Variants in TAF3 observed in about 807,000 individuals in gnomAD.
The protein encoded by TAF3 is transcription initiation factor TFIID subunit 3.
A neutral mutation model predicts 80.6 loss-of-function variants in TAF3; 7 were observed. The observed-to-expected ratio is 0.09, with a 90% CI of 0.05 to 0.16. The LOEUF is 0.16. Among genes scored for constraint, TAF3 ranks in the 10% least tolerant of loss-of-function variants. The pLI is 1.00. For synonymous variants in TAF3, 444 were observed against 446.1 expected (o/e 1.00, Z 0.06); for missense variants, 921 against 1,140.2 (o/e 0.81, Z 2.77).
intron 4 of TAF3, among the ~76,000 whole-genome samples, chr10:7,995,468 T>C (rs1831879004): frequency 6.6e-6 from 1 of 152,196 alleles, no homozygotes; most frequent in Non-Finnish European, 1.5e-5. Flanking sequence ...TTATTATCTT[T>C]CTAGTGTATC....
chr10:7,897,924 G>C (rs1386647350), intron 2 of TAF3, among the ~76,000 whole-genome samples: 2 of 151,932 alleles, frequency 1.3e-5, no homozygotes, highest in South Asian at 4.2e-4. Context: ...GCCTCCCAAA[G>C]TGCTGGGATT....
At chr10:7,942,228 G>T (rs118050227) in intron 2 of TAF3, among the ~76,000 whole-genome samples, 1 of 152,130 alleles carries the variant, frequency 6.6e-6, no homozygotes. Context: ...CATAAATTGC[G>T]TTTTGTCGAT....
rs1012988551 is a variant in TAF3, at chr10:7,904,472, G to C, written c.410-59448G>C. On this transcript the variant is annotated intron_variant, in intron 2 of 6. Transcript: ENST00000344293. ...TTCATCATTGCATATTCTACACCTA[G>C]TAGTCTATTAGTGCCTGATACACGC... Among the ~76,000 whole-genome samples, 3 of 139,056 alleles carry C rather than the reference G, an allele frequency of 2.2e-5. 1 individual carries two copies. In the South Asian group the frequency reaches 7.5e-4, roughly 35 times the overall value. The allele number at this position is 139,056 out of a possible 152,430, so 91.2% of individuals were successfully genotyped here.
intron 2 of TAF3, among the ~76,000 whole-genome samples, chr10:7,842,605 C>T (rs909330564): frequency 6.6e-6 from 1 of 152,040 alleles, no homozygotes; most frequent in Non-Finnish European, 1.5e-5. Flanking sequence ...TCCGATGATA[C>T]CTAATGGTCA....
chr10:7,822,274 A>G (rs2131096434), intron 1 of TAF3, among the ~76,000 whole-genome samples: 1 of 150,702 alleles, frequency 6.6e-6, no homozygotes, highest in African/African-American at 2.4e-5. Context: ...GCCGAAGGGG[A>G]CGGGGACAGG....
intron 4 of TAF3, among the ~76,000 whole-genome samples, chr10:7,996,447 GAACTGTGCCAGTGTGTGAA>G (rs1158926748): frequency 6.6e-6 from 1 of 152,170 alleles, no homozygotes; most frequent in Non-Finnish European, 1.5e-5. Flanking sequence ...GTCCGTGAGG[GAACTGTGCCAGTGTGTGAA>G]TGCCAGGAGG....
At chr10:7,882,285 C>T (rs1296941508) in intron 2 of TAF3, among the ~76,000 whole-genome samples, 1 of 152,124 alleles carries the variant, frequency 6.6e-6, no homozygotes, top group Non-Finnish European at 1.5e-5. Context: ...AACGTGTATT[C>T]CTCATTTACA....
Position 7,840,605 on chromosome 10 carries a change from T to G in TAF3, c.409+16045T>G, listed in dbSNP as rs898943378. On this transcript the variant is annotated intron_variant, in intron 2 of 6. Coordinates refer to ENST00000344293, the MANE Select transcript of TAF3 (RefSeq NM_031923.4). ...ACATTTCTTTATCTGTGCTTACGGT[T>G]TTTGGAAATTTTCCCACGTGTGTGA... 4.6e-5 allele frequency among the ~76,000 whole-genome samples: 7 copies of G among 152,016 alleles called. No homozygotes were observed. In the South Asian group the frequency reaches 6.2e-4, roughly 14 times the overall value.
In TAF3 at chr10:7,998,667, C is replaced by T. The variant is rs535623933; in HGVS notation, c.2316-10411C>T. Among the ~76,000 whole-genome samples, 15 of 151,908 alleles carry T rather than the reference C, an allele frequency of 9.9e-5. No individual in the cohort carries two copies. In the Middle Eastern group the frequency reaches 0.017, roughly 172 times the overall value. On this transcript the variant is annotated intron_variant, in intron 4 of 6. Transcript: ENST00000344293. ...CAGCCTGGCCAACATGGTGAAACCCCGTCTCTACTAAAAATACAGAAATCA... is the reference window on the plus strand; with the variant it reads ...CAGCCTGGCCAACATGGTGAAACCCTGTCTCTACTAAAAATACAGAAATCA...
At chr10:7,947,582 G>A (rs993585408) in intron 2 of TAF3, among the ~76,000 whole-genome samples, 12 of 152,232 alleles carry the variant, frequency 7.9e-5, no homozygotes, top group African/African-American at 2.7e-4. Flanking sequence ...CAAATAATAC[G>A]AGAGAAGCAG....
intron 2 of TAF3, among the ~76,000 whole-genome samples, chr10:7,925,959 A>G (rs944334111): frequency 1.3e-5 from 2 of 152,170 alleles, no homozygotes; most frequent in Non-Finnish European, 2.9e-5. Flanking sequence ...CATGCCTGTA[A>G]TCCTAGCACT....
At chr10:7,891,609 C>T (rs1837457626) in intron 2 of TAF3, among the ~76,000 whole-genome samples, 1 of 152,082 alleles carries the variant, frequency 6.6e-6, no homozygotes, top group Non-Finnish European at 1.5e-5. Flanking sequence ...CTGTCTTTAC[C>T]TTCTTATGTT....
intron 2 of TAF3, among the ~76,000 whole-genome samples, chr10:7,944,375 A>G (rs1194680023): frequency 1.3e-5 from 2 of 152,144 alleles, no homozygotes; most frequent in Non-Finnish European, 2.9e-5. Context: ...ATAGAGTCCT[A>G]ATTTTCTAGT....
In TAF3 at chr10:7,960,371, CG is replaced by C. The variant is rs1301248357; in HGVS notation, c.410-3548del. 5.3e-5 allele frequency among the ~76,000 whole-genome samples: 8 copies of C among 152,176 alleles called. No individual in the cohort carries two copies. The South Asian group carries it at 6.2e-4, about 12-fold the overall frequency. On this transcript the variant is annotated intron_variant, in intron 2 of 6. Coordinates refer to ENST00000344293, the MANE Select transcript of TAF3 (RefSeq NM_031923.4). ...TAGGTCTAGGACAGGGGTCAGCAAACGTTTTTTTGTAAAGAGCTGGATAGTA... is the reference window on the plus strand; with the variant it reads ...TAGGTCTAGGACAGGGGTCAGCAAACTTTTTTTGTAAAGAGCTGGATAGTA...
chr10:7,916,621 C>T (rs1184783578), intron 2 of TAF3, among the ~76,000 whole-genome samples: 1 of 151,886 alleles, frequency 6.6e-6, no homozygotes. Flanking sequence ...AATAGGTGAG[C>T]TTTTAAAAAT....
intron 2 of TAF3, among the ~76,000 whole-genome samples, chr10:7,858,711 C>T (rs1054800144): frequency 4.6e-5 from 7 of 152,034 alleles, no homozygotes; most frequent in African/African-American, 9.7e-5. Flanking sequence ...GAACCGTGGC[C>T]GGGACATATT....
chr10:7,841,606 C>A (rs1432760099), intron 2 of TAF3, among the ~76,000 whole-genome samples: 1 of 151,392 alleles, frequency 6.6e-6, no homozygotes, highest in African/African-American at 2.4e-5. Flanking sequence ...GAGGAGATGT[C>A]ACTGGAAGAG....
intron 2 of TAF3, among the ~76,000 whole-genome samples, chr10:7,947,915 C>T (rs1470795935): frequency 6.6e-6 from 1 of 152,174 alleles, no homozygotes; most frequent in African/African-American, 2.4e-5. Flanking sequence ...TCTTAGCCAA[C>T]AGTCTAACTG....
chr10:7,821,682 T>A (rs546190867), intron 1 of TAF3, among the ~76,000 whole-genome samples: 2 of 152,364 alleles, frequency 1.3e-5, no homozygotes, highest in South Asian at 4.1e-4. Context: ...TATGTTGGCA[T>A]GTACTGAAAG....
Sources: allele counts gnomAD v4.1 joint callset (sites outside exome capture counted in the v4.1 genomes callset), GRCh38; gene constraint gnomAD v4.1.1; transcripts MANE v1.5; gene names NCBI Gene and HGNC (gene_info 2026-07-23, HGNC 2026-07-21).